Variants in VWA8 observed in about 807,000 individuals in gnomAD.
VWA8 encodes von Willebrand factor A domain-containing protein 8.
VWA8 carries 221 observed loss-of-function variants against 241.5 expected under a neutral mutation model. That is an observed-to-expected ratio of 0.91 (90% confidence interval 0.82 to 1.02). The LOEUF (loss-of-function observed/expected upper bound fraction) is 1.02. Ranked by LOEUF, VWA8 falls within the 50% of genes least tolerant of loss-of-function variation. The probability of loss-of-function intolerance (pLI) is 0.00; values close to 1 mark genes in which losing one functional copy is unlikely to be tolerated. For missense variants in VWA8, 2,322 were observed against 2,328.7 expected (o/e 1.00, Z 0.06); for synonymous variants, 852 against 827.1 (o/e 1.03, Z -0.52).
At chr13:41,931,703 TA>T (rs140348272) in intron 2 of VWA8, among the ~76,000 whole-genome samples, 5,427 of 148,072 alleles carry the variant, frequency 0.037, 132 homozygotes, top group Non-Finnish European at 0.053. Flanking sequence ...TATAAAAAAT[TA>T]AAAAAAAAAC....
rs1175554114 is a variant in VWA8 at position 41,727,260 on chromosome 13, T to C, written c.2692A>G (p.Arg898Gly). Residue 898 changes from arginine (R) to glycine (G), a missense_variant, in exon 24 of 45, where the codon AGG becomes GGG. Physicochemically the swap from Arg to Gly is moderately radical, Grantham distance 125. Transcript: ENST00000379310. Reference protein sequence around the residue: ...ENVVVIHPDFRMIVLANRPGF... With the variant: ...ENVVVIHPDFGMIVLANRPGF... ...GGTCTATTTGCCAGAACAATCATCC[T>C]AAAATCAGGATGAATCACTACAACA... 4 of 1,558,804 alleles carry C rather than the reference T, an allele frequency of 2.6e-6. No homozygotes were observed. Among genetic ancestry groups the C allele is most frequent in the South Asian group, 2.4e-5 (2 of 84,148 alleles).
At chr13:41,741,385 C>T (rs974271819) in intron 21 of VWA8, among the ~76,000 whole-genome samples, 8 of 152,130 alleles carry the variant, frequency 5.3e-5, no homozygotes, top group African/African-American at 1.9e-4. Context: ...CTTCCCTTTC[C>T]GCCACTTTTT....
chr13:41,774,182 C>G (rs928633142), intron 20 of VWA8, among the ~76,000 whole-genome samples: 1 of 152,136 alleles, frequency 6.6e-6, no homozygotes. Context: ...CTCTATCTCC[C>G]AGGCTGGAGT....
At chr13:41,893,402 T>C (rs1195612963) in intron 4 of VWA8, among the ~76,000 whole-genome samples, 1 of 151,756 alleles carries the variant, frequency 6.6e-6, no homozygotes, top group Non-Finnish European at 1.5e-5. Context: ...AAATATATCA[T>C]TACTGCAATA....
At chr13:41,841,849 ATATATATAT>A (rs1872065130) in intron 12 of VWA8, among the ~76,000 whole-genome samples, 3 of 98,390 alleles carry the variant, frequency 3.0e-5, no homozygotes, top group African/African-American at 4.8e-5. Flanking sequence ...ATATATATAT[ATATATATAT>A]AAAAACAGTA....
At chr13:41,664,667 CT>C (rs2044975174) in intron 37 of VWA8, among the ~76,000 whole-genome samples, 1 of 152,034 alleles carries the variant, frequency 6.6e-6, no homozygotes, top group African/African-American at 2.4e-5. Flanking sequence ...AGACTTTCGA[CT>C]AATCTTCCAA....
intron 13 of VWA8, among the ~76,000 whole-genome samples, chr13:41,830,986 C>A (rs1871427441): frequency 6.6e-6 from 1 of 152,122 alleles, no homozygotes; most frequent in African/African-American, 2.4e-5. Context: ...AGGCAGGTGG[C>A]ACTTACTCTC....
At chr13:41,571,742 G>A (rs553096068) in intron 43 of VWA8, among the ~76,000 whole-genome samples, 1 of 152,354 alleles carries the variant, frequency 6.6e-6, no homozygotes, top group South Asian at 2.1e-4. Flanking sequence ...CCAAAGTGCC[G>A]AGATTGCAGC....
At chr13:41,844,896 G>A (rs1339839892) in intron 12 of VWA8, among the ~76,000 whole-genome samples, 3 of 151,680 alleles carry the variant, frequency 2.0e-5, no homozygotes, top group African/African-American at 7.3e-5. Context: ...AAAAAATCAC[G>A]GATGACAAAA....
intron 38 of VWA8, among the ~76,000 whole-genome samples, chr13:41,612,585 C>T (rs191153021): frequency 6.6e-6 from 1 of 152,242 alleles, no homozygotes; most frequent in East Asian, 1.9e-4. Flanking sequence ...TTTTAAAACA[C>T]TACATGGACC....
intron 26 of VWA8, among the ~76,000 whole-genome samples, chr13:41,710,692 A>G (rs575121048): frequency 6.6e-6 from 1 of 152,356 alleles, no homozygotes; most frequent in African/African-American, 2.4e-5. Context: ...CTATGACTAC[A>G]AAAAGAAAAT....
rs546390987 is a variant in VWA8 at position 41,949,566 on chromosome 13, T to C, written c.241+370A>G. Reference sequence around the variant, plus strand: ...GTGCAGCAAACCACCATGGCACGTGTATACCTATGTAACAAACCTGCGTGT... The same window carrying C: ...GTGCAGCAAACCACCATGGCACGTGCATACCTATGTAACAAACCTGCGTGT... On this transcript the variant is annotated intron_variant, in intron 2 of 44. Coordinates refer to ENST00000379310, the MANE Select transcript of VWA8 (RefSeq NM_015058.2). Among the ~76,000 whole-genome samples the C allele has an allele frequency of 4.6e-5, 7 of 151,934 alleles. No homozygotes were observed. In the East Asian group the frequency reaches 5.8e-4, roughly 13 times the overall value.
chr13:41,957,607 A>AAAAT (rs1017113805), intron 1 of VWA8, among the ~76,000 whole-genome samples: 2 of 152,116 alleles, frequency 1.3e-5, no homozygotes, highest in African/African-American at 4.8e-5. Context: ...CTCCATCTCA[A>AAAAT]AAATAAATAA....
intron 29 of VWA8, 42 bp downstream of exon 29, chr13:41,699,029 T>C (rs1258228814): frequency 1.2e-6 from 2 of 1,611,940 alleles, no homozygotes; most frequent in Admixed American, 1.7e-5. Flanking sequence ...TTGCCTTTCA[T>C]GTAAGTCATT....
intron 2 of VWA8, chr13:41,927,404 G>T (rs1487752590): frequency 1.1e-5 from 5 of 472,640 alleles, no homozygotes; most frequent in South Asian, 6.5e-5. Context: ...ATCTGCAAAA[G>T]ATCAAGGTCT....
At chr13:41,636,974 A>C (rs2044762018) in intron 37 of VWA8, among the ~76,000 whole-genome samples, 1 of 151,270 alleles carries the variant, frequency 6.6e-6, no homozygotes, top group African/African-American at 2.4e-5. Flanking sequence ...GTGGGACTGT[A>C]AACTAGTTCA....
At chr13:41,930,311 G>T (rs1268529916) in intron 2 of VWA8, among the ~76,000 whole-genome samples, 6 of 152,154 alleles carry the variant, frequency 3.9e-5, no homozygotes, top group Non-Finnish European at 8.8e-5. Flanking sequence ...AAACAATGTG[G>T]CCATTTCTAA....
intron 40 of VWA8, 74 bp from the exon 41 acceptor site, chr13:41,590,839 T>C: frequency 6.4e-7 from 1 of 1,567,312 alleles, no homozygotes; most frequent in Admixed American, 1.7e-5. Flanking sequence ...TGTGCATGAA[T>C]AACAGGAAAC....
chr13:41,886,773 A>T lies in VWA8; in HGVS notation c.866+8T>A. 1 of 1,590,230 alleles carries T rather than the reference A, an allele frequency of 6.3e-7. No homozygotes were observed. The highest frequency in any genetic ancestry group is 8.5e-7 in the Non-Finnish European group (1 of 1,170,942). On this transcript the variant is annotated splice_region_variant and intron_variant, in intron 7 of 44. Coordinates refer to ENST00000379310, the MANE Select transcript of VWA8 (RefSeq NM_015058.2). ...TCAGTGTCCAGACATTTATAAAAAT[A>T]TACTTACTTCTCAGCAGAAACATTG...
Sources: gnomAD v4.1 joint callset for allele counts (sites outside exome capture counted in the v4.1 genomes callset) on GRCh38, gnomAD v4.1.1 for gene constraint, MANE v1.5 for transcripts, NCBI Gene and HGNC (gene_info 2026-07-23, HGNC 2026-07-21) for gene names.